Variants in CERS3 observed in about 807,000 individuals in gnomAD.
The protein encoded by CERS3 is LAG1 homolog, ceramide synthase 3.
CERS3 carries 33 observed loss-of-function variants against 50.3 expected under a neutral mutation model. The ratio of observed to expected loss-of-function variants is 0.66; its 90% CI spans 0.50 to 0.88. CERS3 has a LOEUF of 0.88. CERS3 is among the 40% of genes least tolerant of loss of function. CERS3 has a pLI of 0.00. For synonymous variants in CERS3, 176 were observed against 155.2 expected, an observed-to-expected ratio of 1.13 and a Z score of -0.99; for missense variants, 470 against 460.3, an observed-to-expected ratio of 1.02 and a Z score of -0.19.
At position 100,402,403 on chromosome 15, in the gene CERS3, A is replaced by T. The variant is rs1017407875; in HGVS notation, c.*310T>A. The T allele has an allele frequency of 1.6e-5, 5 of 312,188 alleles. No individual in the cohort carries two copies. The East Asian group carries it at 3.6e-4, about 22-fold the overall frequency. 19.3% of individuals were successfully genotyped at this position (312,188 alleles called of 1,614,324 possible). ...GCAAGGTGGCGAGGCGAAAGGGTCT[A>T]TAACAAAGCGAGCCCCTGAGAAAGT... On this transcript the variant is annotated 3_prime_UTR_variant, in exon 12 of 12. Coordinates refer to ENST00000679737, the MANE Select transcript of CERS3 (RefSeq NM_001378789.1).
rs183233444 is a variant in CERS3 at position 100,405,811 on chromosome 15, C to A, written c.1000-2946G>T. 1.3e-3 allele frequency among the ~76,000 whole-genome samples: 204 copies of A among 152,242 alleles called. 1 individual carries two copies. Among genetic ancestry groups the A allele is most frequent in the African/African-American group, 4.8e-3 (198 of 41,556 alleles). ...AACTCTACATCAACAGAAAAATGTCCATTTTCCTGATAATAATTTTAAAAA... is the reference window on the plus strand; with the variant it reads ...AACTCTACATCAACAGAAAAATGTCAATTTTCCTGATAATAATTTTAAAAA... On this transcript the variant is annotated intron_variant, in intron 11 of 11. Transcript: ENST00000679737.
At chr15:100,441,497 C>T (rs2033681551) in intron 11 of CERS3, among the ~76,000 whole-genome samples, 1 of 151,862 alleles carries the variant, frequency 6.6e-6, no homozygotes, top group African/African-American at 2.4e-5. Flanking sequence ...CGTGTCTCTA[C>T]CCTTCTCTTT....
chr15:100,455,368 T>C (rs886795924), intron 11 of CERS3, among the ~76,000 whole-genome samples: 3 of 152,102 alleles, frequency 2.0e-5, no homozygotes, highest in African/African-American at 7.2e-5. Context: ...AACTTACAGT[T>C]AGATAAAAGG....
At chr15:100,446,206 A>T (rs899254806) in intron 11 of CERS3, among the ~76,000 whole-genome samples, 7 of 152,156 alleles carry the variant, frequency 4.6e-5, no homozygotes, top group African/African-American at 7.2e-5. Context: ...GCATGAAAAC[A>T]ACTTTTTCAG....
intron 2 of CERS3, among the ~76,000 whole-genome samples, chr15:100,513,844 G>A (rs942507239): frequency 6.6e-6 from 1 of 152,130 alleles, no homozygotes; most frequent in Non-Finnish European, 1.5e-5. Flanking sequence ...CTTGTGGCAT[G>A]TGCATAGGCC....
At chr15:100,476,792 A>G (rs2035140206) in intron 7 of CERS3, among the ~76,000 whole-genome samples, 1 of 152,196 alleles carries the variant, frequency 6.6e-6, no homozygotes, top group Admixed American at 6.5e-5. Context: ...TACTTAGTGT[A>G]CCCAATGAAT....
intron 2 of CERS3, chr15:100,503,837 G>A (rs1014934367): frequency 7.0e-5 from 31 of 442,970 alleles, no homozygotes; most frequent in African/African-American, 6.0e-4. Context: ...GGACCAGAGG[G>A]AATAACGCCA....
intron 11 of CERS3, among the ~76,000 whole-genome samples, chr15:100,443,331 T>C (rs912140686): frequency 2.3e-4 from 35 of 151,278 alleles, no homozygotes; most frequent in African/African-American, 8.3e-4. Flanking sequence ...ATCACTCTCC[T>C]GCTACAGCAT....
intron 11 of CERS3, 145 bp from the exon 12 acceptor site, chr15:100,403,010 T>C: frequency 1.3e-6 from 1 of 788,006 alleles, no homozygotes; most frequent in Non-Finnish European, 2.0e-6. Context: ...ATTGACTATA[T>C]CATGGATCAT....
chr15:100,479,314 A>T, intron 7 of CERS3, 114 bp downstream of exon 7: 1 of 700,550 alleles, frequency 1.4e-6, no homozygotes, highest in Non-Finnish European at 2.4e-6. Context: ...AAAAAGTGCC[A>T]GGGATGACAC....
intron 10 of CERS3, among the ~76,000 whole-genome samples, chr15:100,462,214 T>C (rs2034571366): frequency 6.6e-6 from 1 of 152,258 alleles, no homozygotes; most frequent in African/African-American, 2.4e-5. Flanking sequence ...TCCAAATGGA[T>C]AAGCTACTAC....
At position 100,476,197 on chromosome 15, in the gene CERS3, T is replaced by G; in HGVS notation, c.517-19A>C. On this transcript the variant is annotated intron_variant, in intron 7 of 11. Transcript: ENST00000679737. Reference sequence around the variant, plus strand: ...GCAGGGGCTGAGGAAAAGAAGAGTATTCATTACTTTAAATGCCATCATAGA... The same window carrying G: ...GCAGGGGCTGAGGAAAAGAAGAGTAGTCATTACTTTAAATGCCATCATAGA... 1 of 1,504,740 alleles carries G rather than the reference T, an allele frequency of 6.6e-7. No homozygotes were observed. Among genetic ancestry groups the G allele is most frequent in the Non-Finnish European group, 8.9e-7 (1 of 1,118,020 alleles). The allele number at this position is 1,504,740 out of a possible 1,614,324, so 93.2% of individuals were successfully genotyped here. A position where few individuals can be genotyped will look rare whatever the true frequency, so the allele number is the denominator to read the frequency against.
intron 6 of CERS3, 59 bp from the exon 7 acceptor site, chr15:100,479,537 G>T: frequency 7.5e-7 from 1 of 1,340,722 alleles, no homozygotes; most frequent in South Asian, 1.3e-5. Flanking sequence ...CGGTGTCAAA[G>T]GTCAATTTTG....
chr15:100,408,640 C>T (rs867763028), intron 11 of CERS3: 2 of 152,222 alleles, frequency 1.3e-5, no homozygotes, highest in Middle Eastern at 6.8e-3. Context: ...CAGAAGGGAT[C>T]CCTCTGGATT....
Position 100,479,968 on chromosome 15 carries a change from AG to A in CERS3, c.465+20del. 1.9e-6 allele frequency: 3 copies of A among 1,567,274 alleles called. No homozygotes were observed. Among genetic ancestry groups the A allele is most frequent in the Non-Finnish European group, 2.6e-6 (3 of 1,144,528 alleles). ...AAAATTAAAGACAAATTCCAATCGA[AG>A]ATATAAAAAGATAACTTACATCATA... is the stretch of plus-strand genomic sequence containing the variant. On this transcript the variant is annotated intron_variant, in intron 6 of 11. Transcript: ENST00000679737.
intron 7 of CERS3, among the ~76,000 whole-genome samples, chr15:100,477,685 T>C (rs1339682209): frequency 6.6e-6 from 1 of 152,206 alleles, no homozygotes; most frequent in Non-Finnish European, 1.5e-5. Context: ...ATAAGCAGTA[T>C]GGAGCCCAGA....
chr15:100,443,140 G>T (rs2033765672), intron 11 of CERS3, among the ~76,000 whole-genome samples: 1 of 150,828 alleles, frequency 6.6e-6, no homozygotes, highest in African/African-American at 2.4e-5. Flanking sequence ...CCAATCCAAA[G>T]CCTCCTTTGC....
At chr15:100,470,732 G>T (rs1053109869) in intron 9 of CERS3, among the ~76,000 whole-genome samples, 1 of 152,190 alleles carries the variant, frequency 6.6e-6, no homozygotes, top group Non-Finnish European at 1.5e-5. Flanking sequence ...TATCAGTCAG[G>T]ATATTGGGTC....
chr15:100,475,831 A>G (rs1596726954), intron 8 of CERS3: 2 of 206,326 alleles, frequency 9.7e-6, no homozygotes, highest in East Asian at 2.2e-4. Flanking sequence ...AGACATATAA[A>G]GGAAATGTTT....
Sources: allele counts gnomAD v4.1 joint callset (sites outside exome capture counted in the v4.1 genomes callset), GRCh38; gene constraint gnomAD v4.1.1; transcripts MANE v1.5; gene names NCBI Gene and HGNC (gene_info 2026-07-23, HGNC 2026-07-21).